The following BANF2 variants were observed in gnomAD, a reference collection of about 807,000 sequenced individuals.
BANF2 encodes BANF family member 2.
In BANF2, 4 loss-of-function variants were observed where a neutral mutation model predicts 8.0. The observed-to-expected ratio is 0.50, with a 90% CI of 0.25 to 1.14. The LOEUF (loss-of-function observed/expected upper bound fraction) is 1.14, where lower values mean the gene tolerates loss of function less well. Among genes scored for constraint, BANF2 ranks in the 50% most tolerant of loss-of-function variants. BANF2 has a pLI of 0.16. For synonymous variants in BANF2, 50 were observed against 40.6 expected (o/e 1.23, Z -0.88); for missense variants, 96 against 107.5 (o/e 0.89, Z 0.47).
chr20:17,735,846 G>A lies in BANF2; in HGVS notation c.*35G>A, dbSNP rs2037971447. The A allele has an allele frequency of 3.1e-6, 5 of 1,593,184 alleles. No homozygotes were observed. The South Asian group carries it at 4.5e-5, about 14-fold the overall frequency. On this transcript the variant is annotated 3_prime_UTR_variant, in exon 4 of 4. Coordinates refer to ENST00000246090, the MANE Select transcript of BANF2 (RefSeq NM_178477.5). Reference sequence around the variant, plus strand: ...TCATTGCTGCCCCCCACCACCCTCTGGGGAAAATGACGCCTTCTCCACCTA... The same window carrying A: ...TCATTGCTGCCCCCCACCACCCTCTAGGGAAAATGACGCCTTCTCCACCTA...
intron 1 of BANF2, among the ~76,000 whole-genome samples, chr20:17,706,391 C>T (rs886514085): frequency 6.6e-6 from 1 of 152,132 alleles, no homozygotes; most frequent in East Asian, 1.9e-4. Context: ...AAAAAAGTAG[C>T]TGTTGGTTAG....
At chr20:17,734,566 C>A (rs890321224) in intron 3 of BANF2, among the ~76,000 whole-genome samples, 1 of 152,168 alleles carries the variant, frequency 6.6e-6, no homozygotes, top group Non-Finnish European at 1.5e-5. Context: ...AGATGCCATT[C>A]ATCTGTCAGC....
chr20:17,717,981 G>A (rs1163436701), intron 1 of BANF2, among the ~76,000 whole-genome samples: 1 of 151,872 alleles, frequency 6.6e-6, no homozygotes, highest in Non-Finnish European at 1.5e-5. Flanking sequence ...AAACTTTTAG[G>A]GATATAGATA....
At chr20:17,700,596 T>C (rs896314921) in intron 1 of BANF2, among the ~76,000 whole-genome samples, 1 of 152,196 alleles carries the variant, frequency 6.6e-6, no homozygotes, top group African/African-American at 2.4e-5. Flanking sequence ...AATCACTTCC[T>C]TTCCTTTTGG....
At chr20:17,729,502 C>CG (rs2037862686) in intron 3 of BANF2, among the ~76,000 whole-genome samples, 1 of 152,164 alleles carries the variant, frequency 6.6e-6, no homozygotes, top group Non-Finnish European at 1.5e-5. Context: ...TTTGGGAGGC[C>CG]AGGTCAGGCA....
intron 1 of BANF2, among the ~76,000 whole-genome samples, chr20:17,706,290 C>T (rs540724283): frequency 6.6e-6 from 1 of 152,234 alleles, no homozygotes; most frequent in East Asian, 1.9e-4. Flanking sequence ...ACCTTTGAGA[C>T]CCTCATTCAC....
chr20:17,721,340 A>G (rs1284812367), intron 1 of BANF2, among the ~76,000 whole-genome samples: 3 of 151,858 alleles, frequency 2.0e-5, no homozygotes, highest in African/African-American at 7.3e-5. Context: ...GACACCCAAG[A>G]AGAAAAGACC....
intron 1 of BANF2, among the ~76,000 whole-genome samples, chr20:17,705,614 G>A (rs892417218): frequency 2.0e-5 from 3 of 152,224 alleles, no homozygotes; most frequent in African/African-American, 7.2e-5. Context: ...GCCGTAAATA[G>A]GCTGGTGTAC....
intron 3 of BANF2, among the ~76,000 whole-genome samples, chr20:17,727,661 G>A (rs2037828099): frequency 6.6e-6 from 1 of 152,022 alleles, no homozygotes; most frequent in Admixed American, 6.6e-5. Context: ...ACAGCATCCT[G>A]GGCGGGCAGA....
chr20:17,713,111 G>C (rs1396586953), intron 1 of BANF2, among the ~76,000 whole-genome samples: 1 of 152,000 alleles, frequency 6.6e-6, no homozygotes, highest in Non-Finnish European at 1.5e-5. Context: ...AATTAGCTGA[G>C]CATGGTGGTG....
At chr20:17,699,074 G>A (rs2037376065), upstream of BANF2, among the ~76,000 whole-genome samples, 1 of 152,182 alleles carries the variant, frequency 6.6e-6, no homozygotes, top group Admixed American at 6.5e-5. Flanking sequence ...TGAGAGTGGG[G>A]CCCAGGAATC....
chr20:17,730,055 A>T (rs2037869422), intron 3 of BANF2, among the ~76,000 whole-genome samples: 1 of 152,238 alleles, frequency 6.6e-6, no homozygotes, highest in Non-Finnish European at 1.5e-5. Context: ...CTATAAAGCC[A>T]TATCCTTGAG....
chr20:17,716,557 AT>A (rs139353054), intron 1 of BANF2, among the ~76,000 whole-genome samples: 84 of 144,900 alleles, frequency 5.8e-4, no homozygotes, highest in African/African-American at 9.6e-4. Context: ...TTTCCTTTCT[AT>A]TTTTTTTTTT....
upstream of BANF2, among the ~76,000 whole-genome samples, chr20:17,697,604 C>G (rs2037356810): frequency 6.6e-6 from 1 of 152,156 alleles, no homozygotes; most frequent in African/African-American, 2.4e-5. Flanking sequence ...GAAGCAGACC[C>G]TGAAACAAGG....
At chr20:17,703,835 A>T in intron 1 of BANF2, among the ~76,000 whole-genome samples, 1 of 143,624 alleles carries the variant, frequency 7.0e-6, no homozygotes. Context: ...TCCGCCTCCC[A>T]ATCCTGGGTT....
At chr20:17,696,986 G>A (rs2037351381), upstream of BANF2, among the ~76,000 whole-genome samples, 1 of 152,044 alleles carries the variant, frequency 6.6e-6, no homozygotes, top group Non-Finnish European at 1.5e-5. Flanking sequence ...ATGATAATGG[G>A]GAGGAGAATG....
intron 3 of BANF2, among the ~76,000 whole-genome samples, chr20:17,727,702 CA>C (rs1172835234): frequency 6.6e-6 from 1 of 151,770 alleles, no homozygotes; most frequent in African/African-American, 2.4e-5. Context: ...CAGATTTAGC[CA>C]ATAAAGATGC....
chr20:17,707,840 A>C (rs1233936940), intron 1 of BANF2, among the ~76,000 whole-genome samples: 1 of 151,618 alleles, frequency 6.6e-6, no homozygotes, highest in African/African-American at 2.4e-5. Context: ...TTGGCCACCC[A>C]AAGTGCTGGG....
upstream of BANF2, among the ~76,000 whole-genome samples, chr20:17,696,699 C>G (rs1192323190): frequency 6.6e-6 from 1 of 152,122 alleles, no homozygotes; most frequent in Non-Finnish European, 1.5e-5. Flanking sequence ...TGCTCTGGTA[C>G]AGTAGGCTTC....
Sources: allele counts gnomAD v4.1 joint callset (sites outside exome capture counted in the v4.1 genomes callset), GRCh38; gene constraint gnomAD v4.1.1; transcripts MANE v1.5; gene names NCBI Gene and HGNC (gene_info 2026-07-23, HGNC 2026-07-21).